Variants in ABCA10 observed in about 807,000 individuals in gnomAD.
ABCA10 encodes the protein ATP-binding cassette sub-family A member 10.
A neutral mutation model predicts 187.5 loss-of-function variants in ABCA10; 169 were observed. The ratio of observed to expected loss-of-function variants is 0.90; its 90% CI spans 0.80 to 1.02. ABCA10 has a LOEUF of 1.02. Among genes scored for constraint, ABCA10 ranks in the 50% least tolerant of loss-of-function variants. The probability of loss-of-function intolerance (pLI) is 0.00; values close to 1 mark genes in which losing one functional copy is unlikely to be tolerated. For synonymous variants in ABCA10, 574 were observed against 601.8 expected (o/e 0.95, Z 0.68); for missense variants, 1,727 against 1,812.4 (o/e 0.95, Z 0.86).
chr17:69,211,339 A>G (rs1330942254), intron 9 of ABCA10, among the ~76,000 whole-genome samples: 11 of 121,896 alleles, frequency 9.0e-5, no homozygotes, highest in Non-Finnish European at 1.2e-4. Flanking sequence ...ATATATATAT[A>G]TATATATATA....
chr17:69,187,376 C>T (rs1254996364), intron 19 of ABCA10, among the ~76,000 whole-genome samples: 1 of 152,116 alleles, frequency 6.6e-6, no homozygotes, highest in East Asian at 1.9e-4. Context: ...CAGGACCCAC[C>T]CCCTAAACCT....
upstream of ABCA10, among the ~76,000 whole-genome samples, chr17:69,229,777 G>C (rs1568077248): frequency 6.6e-6 from 1 of 151,802 alleles, no homozygotes; most frequent in Non-Finnish European, 1.5e-5. Flanking sequence ...ATCATTACTA[G>C]AAGTAAAAGT....
chr17:69,220,083 G>C (rs28611344), intron 5 of ABCA10, among the ~76,000 whole-genome samples: 1 of 152,122 alleles, frequency 6.6e-6, no homozygotes, highest in African/African-American at 2.4e-5. Context: ...GAAGAAAGGA[G>C]AGATATTAAA....
Position 69,174,368 on chromosome 17 carries a change from A to C in ABCA10, c.3075T>G (p.Val1025=), listed in dbSNP as rs941134909. 6.3e-7 allele frequency: 1 copy of C among 1,597,760 alleles called. No homozygotes were observed. The highest frequency in any genetic ancestry group is 8.5e-7 in the Non-Finnish European group (1 of 1,175,554). Residue 1025 remains valine, a synonymous_variant, in exon 25 of 39, where the codon GTT becomes GTG. Transcript: ENST00000690296. ...VLVVCIIGCA[V]SLIFLTYVLS... is the part of the protein sequence containing the mutation. ...GCACATATGTGAGGAATATAAGAGA[A>C]ACTGCACAACCAATTATGCATACCA...
At chr17:69,215,039 A>C (rs1208992818) in intron 8 of ABCA10, among the ~76,000 whole-genome samples, 188 bp from the exon 9 acceptor site, 1 of 152,178 alleles carries the variant, frequency 6.6e-6, no homozygotes, top group African/African-American at 2.4e-5. Context: ...CAAAATTTTA[A>C]AATGCTATAT....
intron 18 of ABCA10, among the ~76,000 whole-genome samples, chr17:69,189,584 G>A (rs1167495584): frequency 6.6e-6 from 1 of 152,088 alleles, no homozygotes; most frequent in African/African-American, 2.4e-5. Context: ...TCTTCATCAT[G>A]AAGTCTTTGC....
At chr17:69,182,125 T>C in intron 22 of ABCA10, 28 bp downstream of exon 22, 1 of 1,536,322 alleles carries the variant, frequency 6.5e-7, no homozygotes, top group South Asian at 1.3e-5. Flanking sequence ...CTGTGTTGCC[T>C]CTTATATAAG....
chr17:69,212,447 T>A (rs2074668194), intron 9 of ABCA10, among the ~76,000 whole-genome samples: 1 of 152,192 alleles, frequency 6.6e-6, no homozygotes, highest in African/African-American at 2.4e-5. Flanking sequence ...ATTCTGCAGT[T>A]GTTGGGTAGA....
intron 27 of ABCA10, among the ~76,000 whole-genome samples, chr17:69,162,838 C>CATATACATATACATATACATAT (rs375141032): frequency 0.051 from 6,131 of 120,438 alleles, 196 homozygotes; most frequent in South Asian, 0.14. Flanking sequence ...TATACATATA[C>CATATACATATACATATACATAT]ATATATATAT....
Position 69,221,785 on chromosome 17 carries a change from CA to C in ABCA10, c.303+6del. On this transcript the variant is annotated splice_donor_region_variant and intron_variant, in intron 5 of 38. Transcript: ENST00000690296. ...TTTAAAATATAGCTTTGAAGTTAGGCACTTACTTCTATAATTGCAGCATTAA... is the reference window on the plus strand; with the variant it reads ...TTTAAAATATAGCTTTGAAGTTAGGCCTTACTTCTATAATTGCAGCATTAA... 6.2e-7 allele frequency: 1 copy of C among 1,600,454 alleles called. No individual in the cohort carries two copies. Among genetic ancestry groups the C allele is most frequent in the Non-Finnish European group, 8.5e-7 (1 of 1,171,292 alleles).
Position 69,148,241 on chromosome 17 carries a change from T to C in ABCA10, c.*586A>G, listed in dbSNP as rs2074103100. On this transcript the variant is annotated 3_prime_UTR_variant, in exon 39 of 39. Transcript: ENST00000690296. ...CCATAAAAAATACATTGAATATAAGTTGGCTAAAGAAAATATTAACTGCGG... is the reference window on the plus strand; with the variant it reads ...CCATAAAAAATACATTGAATATAAGCTGGCTAAAGAAAATATTAACTGCGG... The C allele has an allele frequency of 6.6e-6, 1 of 152,264 alleles. No individual in the cohort carries two copies. The highest frequency in any genetic ancestry group is 1.5e-5 in the Non-Finnish European group (1 of 68,090). 9.4% of individuals were successfully genotyped at this position (152,264 alleles called of 1,614,324 possible).
chr17:69,156,974 T>C, intron 27 of ABCA10, 51 bp from the exon 28 acceptor site: 1 of 1,085,088 alleles, frequency 9.2e-7, no homozygotes, highest in Non-Finnish European at 1.3e-6. Flanking sequence ...GCATTCACAC[T>C]CAATGGTGAA....
intron 36 of ABCA10, among the ~76,000 whole-genome samples, chr17:69,150,794 T>C (rs1417896706): frequency 2.0e-5 from 3 of 152,174 alleles, no homozygotes; most frequent in African/African-American, 7.2e-5. Context: ...GCTACGTATG[T>C]GTAGTGACTA....
intron 25 of ABCA10, among the ~76,000 whole-genome samples, chr17:69,171,454 G>C (rs543234916): frequency 4.1e-4 from 62 of 152,088 alleles, no homozygotes; most frequent in Non-Finnish European, 7.2e-4. Flanking sequence ...CAAGGACAAG[G>C]ACATGGAAAA....
At chr17:69,209,083 C>T (rs1411398104) in intron 9 of ABCA10, among the ~76,000 whole-genome samples, 3 of 152,154 alleles carry the variant, frequency 2.0e-5, no homozygotes, top group Non-Finnish European at 4.4e-5. Flanking sequence ...GTTTTTAATG[C>T]TCTTGCCATA....
chr17:69,185,260 G>A (rs1377502518), intron 20 of ABCA10, among the ~76,000 whole-genome samples: 2 of 151,984 alleles, frequency 1.3e-5, no homozygotes, highest in African/African-American at 4.8e-5. Flanking sequence ...ACTTATACAT[G>A]TAACCAAACA....
intron 12 of ABCA10, 100 bp downstream of exon 12, chr17:69,194,285 C>G: frequency 1.0e-6 from 1 of 995,180 alleles, no homozygotes; most frequent in Non-Finnish European, 1.5e-6. Flanking sequence ...AATTATTCAA[C>G]TGTGTAACAA....
intron 10 of ABCA10, 116 bp from the exon 11 acceptor site, chr17:69,197,238 G>A (rs766348841): frequency 1.6e-5 from 12 of 759,030 alleles, no homozygotes; most frequent in Non-Finnish European, 2.5e-5. Context: ...TCAGTGGGAT[G>A]TAAGGAGGGC....
intron 25 of ABCA10, among the ~76,000 whole-genome samples, chr17:69,172,964 T>C (rs2074308541): frequency 6.6e-6 from 1 of 152,144 alleles, no homozygotes; most frequent in East Asian, 1.9e-4. Flanking sequence ...CCTATATTAA[T>C]ATGAGACACA....
Sources: gnomAD v4.1 joint callset for allele counts (sites outside exome capture counted in the v4.1 genomes callset) on GRCh38, gnomAD v4.1.1 for gene constraint, MANE v1.5 for transcripts, NCBI Gene and HGNC (gene_info 2026-07-23, HGNC 2026-07-21) for gene names.